Variants in VAMP4 observed in about 807,000 individuals in gnomAD.
VAMP4 encodes the protein vesicle-associated membrane protein 4.
Under a neutral mutation model 23.5 loss-of-function variants are expected in VAMP4, and 19 were observed. That is an observed-to-expected ratio of 0.81 (90% CI 0.56 to 1.19). The LOEUF (loss-of-function observed/expected upper bound fraction) is 1.19, where lower values mean the gene tolerates loss of function less well. Among genes scored for constraint, VAMP4 ranks in the 50% most tolerant of loss-of-function variants. The pLI is 0.00. For missense variants in VAMP4, 145 were observed against 168.6 expected, an observed-to-expected ratio of 0.86 and a Z score of 0.78; for synonymous variants, 31 against 51.0, an observed-to-expected ratio of 0.61 and a Z score of 1.67.
rs1404198626 is a variant in VAMP4 at position 171,703,423 on chromosome 1, G to GTATA, written c.*1082_*1083insTATA. 48 of 81,908 alleles carry GTATA rather than the reference G, an allele frequency of 5.9e-4. No homozygotes were observed. Among genetic ancestry groups the GTATA allele is most frequent in the East Asian group, 1.5e-3 (4 of 2,658 alleles). 5.1% of individuals were successfully genotyped at this position (81,908 alleles called of 1,614,324 possible). On this transcript the variant is annotated 3_prime_UTR_variant, in exon 8 of 8. Transcript: ENST00000236192. ...TGTGTGTGTGTGTGTGTGTGTTTGT[G>GTATA]TGTATATATATATATATATATATAT...
chr1:171,720,141 C>T (rs1655146211), intron 3 of VAMP4, among the ~76,000 whole-genome samples: 1 of 151,874 alleles, frequency 6.6e-6, no homozygotes, highest in African/African-American at 2.4e-5. Flanking sequence ...TCCAACTAAG[C>T]CTCAGAATAC....
intron 3 of VAMP4, 110 bp from the exon 4 acceptor site, chr1:171,719,331 A>G: frequency 1.2e-6 from 1 of 863,812 alleles, no homozygotes; most frequent in Non-Finnish European, 1.8e-6. Flanking sequence ...AACTCTAAAC[A>G]TGGATCAGTT....
At chr1:171,718,124 C>A (rs931582222) in intron 4 of VAMP4, among the ~76,000 whole-genome samples, 1 of 152,062 alleles carries the variant, frequency 6.6e-6, no homozygotes, top group African/African-American at 2.4e-5. Flanking sequence ...TGTTACATGG[C>A]AATAGAAAAC....
intron 2 of VAMP4, among the ~76,000 whole-genome samples, chr1:171,734,383 C>A (rs919167546): frequency 6.6e-6 from 1 of 151,864 alleles, no homozygotes; most frequent in Non-Finnish European, 1.5e-5. Flanking sequence ...TTATATGATT[C>A]CATTTACAGA....
intron 2 of VAMP4, among the ~76,000 whole-genome samples, chr1:171,729,155 A>G (rs1655478705): frequency 6.6e-6 from 1 of 152,194 alleles, no homozygotes; most frequent in South Asian, 2.1e-4. Context: ...TTCTCCCCAA[A>G]AGGGGTGGGT....
intron 5 of VAMP4, 113 bp from the exon 6 acceptor site, chr1:171,709,857 T>C: frequency 1.2e-6 from 1 of 812,290 alleles, no homozygotes; most frequent in Non-Finnish European, 2.0e-6. Context: ...TTATTCCCTT[T>C]TAAGCATGAA....
intron 3 of VAMP4, among the ~76,000 whole-genome samples, chr1:171,721,573 A>G (rs1452672695): frequency 6.6e-6 from 1 of 152,182 alleles, no homozygotes; most frequent in Non-Finnish European, 1.5e-5. Flanking sequence ...TATGAAAATC[A>G]ATGTGCAAAA....
At chr1:171,735,704 C>G (rs543245202) in intron 2 of VAMP4, among the ~76,000 whole-genome samples, 1 of 152,194 alleles carries the variant, frequency 6.6e-6, no homozygotes, top group East Asian at 1.9e-4. Context: ...GCTTTGTGCA[C>G]GCTGATCACT....
rs1282557131 is a variant in VAMP4 at position 171,704,502 on chromosome 1, C to T, written c.*4G>A. 3 of 1,579,236 alleles carry T rather than the reference C, an allele frequency of 1.9e-6. No individual in the cohort carries two copies. Among genetic ancestry groups the T allele is most frequent in the Non-Finnish European group, 2.6e-6 (3 of 1,162,828 alleles). On this transcript the variant is annotated 3_prime_UTR_variant, in exon 8 of 8. Coordinates refer to ENST00000236192, the MANE Select transcript of VAMP4 (RefSeq NM_003762.5). ...CTTGTTTAATGAAGATCTCTGTCATCAAATCAAGTACGGTATTTCATGACT... is the reference window on the plus strand; with the variant it reads ...CTTGTTTAATGAAGATCTCTGTCATTAAATCAAGTACGGTATTTCATGACT...
rs143008491 is a variant in VAMP4 at position 171,709,565 on chromosome 1, T to C, written c.345+100A>G. On this transcript the variant is annotated intron_variant, in intron 6 of 7. Transcript: ENST00000236192. ...TGTCTCAGGACAGTTATAGGCCCTG[T>C]TCTCACAGAGGTTATGCTCTAGAGG... The C allele has an allele frequency of 6.2e-4, 660 of 1,057,996 alleles. 2 individuals are homozygous for C. The highest frequency in any genetic ancestry group is 1.2e-4 in the Non-Finnish European group (82 of 690,326). The allele number at this position is 1,057,996 out of a possible 1,614,324, so 65.5% of individuals were successfully genotyped here.
intron 2 of VAMP4, among the ~76,000 whole-genome samples, chr1:171,729,043 A>G (rs974565153): frequency 1.3e-5 from 2 of 152,182 alleles, no homozygotes; most frequent in Non-Finnish European, 2.9e-5. Context: ...TAGCTACTCT[A>G]CCCACAAACA....
At chr1:171,707,685 A>G (rs751386246) in intron 6 of VAMP4, among the ~76,000 whole-genome samples, 5 of 152,198 alleles carry the variant, frequency 3.3e-5, no homozygotes, top group Non-Finnish European at 5.9e-5. Context: ...GGTGTTTGTT[A>G]CATTATGGAA....
In VAMP4 at chr1:171,704,363, G is replaced by T. The variant is rs997053616; in HGVS notation, c.*143C>A. Reference sequence around the variant, plus strand: ...GAGAAGATAATTGGACATTCTCAACGTTCCAATTTGAAGTGATACTTGCCT... The same window carrying T: ...GAGAAGATAATTGGACATTCTCAACTTTCCAATTTGAAGTGATACTTGCCT... On this transcript the variant is annotated 3_prime_UTR_variant, in exon 8 of 8. Coordinates refer to ENST00000236192, the MANE Select transcript of VAMP4 (RefSeq NM_003762.5). 2.1e-6 allele frequency: 1 copy of T among 486,964 alleles called. No individual in the cohort carries two copies. Among genetic ancestry groups the T allele is most frequent in the Non-Finnish European group, 3.4e-6 (1 of 292,742 alleles). 30.2% of individuals were successfully genotyped at this position (486,964 alleles called of 1,614,324 possible). A position where few individuals can be genotyped will look rare whatever the true frequency, so the allele number is the denominator to read the frequency against.
At chr1:171,713,424 G>A (rs1572242053) in intron 4 of VAMP4, among the ~76,000 whole-genome samples, 1 of 152,158 alleles carries the variant, frequency 6.6e-6, no homozygotes, top group African/African-American at 2.4e-5. Context: ...ATTAATATAT[G>A]TATACTATAC....
chr1:171,729,623 C>T (rs1040379510), intron 2 of VAMP4, among the ~76,000 whole-genome samples: 1 of 152,136 alleles, frequency 6.6e-6, no homozygotes, highest in Non-Finnish European at 1.5e-5. Flanking sequence ...AATAATAGCT[C>T]CCCAAAGATG....
At chr1:171,730,366 G>A (rs1655522808) in intron 2 of VAMP4, among the ~76,000 whole-genome samples, 1 of 152,132 alleles carries the variant, frequency 6.6e-6, no homozygotes, top group Non-Finnish European at 1.5e-5. Context: ...ACAATGTGTG[G>A]TCAAATCTAA....
At chr1:171,718,265 G>A (rs949992444) in intron 4 of VAMP4, among the ~76,000 whole-genome samples, 5 of 152,164 alleles carry the variant, frequency 3.3e-5, no homozygotes, top group African/African-American at 9.7e-5. Flanking sequence ...TAAAGCCCAA[G>A]TATCTCACCA....
At chr1:171,729,802 G>A (rs1655500778) in intron 2 of VAMP4, among the ~76,000 whole-genome samples, 1 of 152,194 alleles carries the variant, frequency 6.6e-6, no homozygotes, top group South Asian at 2.1e-4. Flanking sequence ...TGGGACTACA[G>A]GCGCATGCCA....
rs1346139138 is a variant in VAMP4, at chr1:171,702,760, T to C, written c.*1746A>G. On this transcript the variant is annotated 3_prime_UTR_variant, in exon 8 of 8. Transcript: ENST00000236192. ...ATTTATTAGCTGTTCAGATGCTGTT[T>C]ATATTAATTGACATTTACAAAGAGC... 1 of 152,046 alleles carries C rather than the reference T, an allele frequency of 6.6e-6. No homozygotes were observed. The highest frequency in any genetic ancestry group is 1.5e-5 in the Non-Finnish European group (1 of 67,884). The allele number at this position is 152,046 out of a possible 1,614,324, so 9.4% of individuals were successfully genotyped here. A position where few individuals can be genotyped will look rare whatever the true frequency, so the allele number is the denominator to read the frequency against.
Sources: gnomAD v4.1 joint callset for allele counts (sites outside exome capture counted in the v4.1 genomes callset) on GRCh38, gnomAD v4.1.1 for gene constraint, MANE v1.5 for transcripts, NCBI Gene and HGNC (gene_info 2026-07-23, HGNC 2026-07-21) for gene names.